Variants in SEC14L5 observed in about 807,000 individuals in gnomAD.
SEC14L5 encodes SEC14 like lipid binding 5.
A neutral mutation model predicts 84.6 loss-of-function variants in SEC14L5; 96 were observed. That is an observed-to-expected ratio of 1.13 (90% confidence interval 0.96 to 1.34). The LOEUF (loss-of-function observed/expected upper bound fraction) is 1.34. SEC14L5 is among the 40% of genes most tolerant of loss of function. SEC14L5 has a pLI of 0.00. For missense variants in SEC14L5, 1,224 were observed against 942.5 expected (o/e 1.30, Z -3.91); for synonymous variants, 546 against 383.4 (o/e 1.42, Z -4.95).
At chr16:4,969,232 C>T (rs1955244365) in intron 2 of SEC14L5, among the ~76,000 whole-genome samples, 1 of 152,218 alleles carries the variant, frequency 6.6e-6, no homozygotes, top group Non-Finnish European at 1.5e-5. Flanking sequence ...CTCGTGCATT[C>T]ATTTCTGTGT....
At chr16:4,962,613 G>A (rs969258882) in intron 2 of SEC14L5, among the ~76,000 whole-genome samples, 2 of 151,438 alleles carry the variant, frequency 1.3e-5, no homozygotes, top group Non-Finnish European at 2.9e-5. Flanking sequence ...GCTTAAACCC[G>A]GGAGGCGGAG....
Position 5,006,039 on chromosome 16 carries a change from A to G in SEC14L5, c.1428A>G (p.Gly476=), listed in dbSNP as rs780773142. ...DREVIPDFLG[G]ESVCNVPEGG... ...AAGTGATCCCTGACTTCCTTGGGGGAGAGAGTGTGGTGAGGCTTCCATGTC... is the reference window on the plus strand; with the variant it reads ...AAGTGATCCCTGACTTCCTTGGGGGGGAGAGTGTGGTGAGGCTTCCATGTC... Residue 476 remains glycine (G), a synonymous_variant, in exon 12 of 16, where the codon GGA becomes GGG. Transcript: ENST00000251170. The G allele has an allele frequency of 1.9e-5, 30 of 1,613,016 alleles. No individual in the cohort carries two copies. The highest frequency in any genetic ancestry group is 2.5e-5 in the Non-Finnish European group (30 of 1,179,594).
At chr16:4,981,761 G>T (rs1314955561) in intron 2 of SEC14L5, among the ~76,000 whole-genome samples, 4 of 152,202 alleles carry the variant, frequency 2.6e-5, no homozygotes, top group Non-Finnish European at 4.4e-5. Context: ...GCAAGTACAT[G>T]AGACATATAC....
Position 5,017,224 on chromosome 16 carries a change from G to A in SEC14L5, c.*2254G>A, listed in dbSNP as rs1028658082. The A allele has an allele frequency of 6.6e-6, 1 of 152,230 alleles. No individual in the cohort carries two copies. The highest frequency in any genetic ancestry group is 1.5e-5 in the Non-Finnish European group (1 of 68,066). The allele number at this position is 152,230 out of a possible 1,614,324, so 9.4% of individuals were successfully genotyped here. A position where few individuals can be genotyped will look rare whatever the true frequency, so the allele number is the denominator to read the frequency against. On this transcript the variant is annotated 3_prime_UTR_variant, in exon 16 of 16. Coordinates refer to ENST00000251170, the MANE Select transcript of SEC14L5 (RefSeq NM_014692.2). Reference sequence around the variant, plus strand: ...TGCTATCAGCTGTCCACCCTTAACAGTGGGGGTGAGGAACCTCAGGCCCTT... The same window carrying A: ...TGCTATCAGCTGTCCACCCTTAACAATGGGGGTGAGGAACCTCAGGCCCTT...
chr16:5,008,327 C>T (rs1410848857), intron 13 of SEC14L5, 94 bp from the exon 14 acceptor site: 21 of 876,138 alleles, frequency 2.4e-5, no homozygotes, highest in Non-Finnish European at 3.3e-5. Context: ...AAGGAGACCC[C>T]AGGGGGCACC....
chr16:5,012,463 G>C (rs578147607), intron 15 of SEC14L5, among the ~76,000 whole-genome samples: 4 of 152,356 alleles, frequency 2.6e-5, no homozygotes, highest in South Asian at 2.1e-4. Context: ...TCAGGGGGCA[G>C]GTGGTGGCTC....
intron 11 of SEC14L5, among the ~76,000 whole-genome samples, chr16:5,005,577 C>T (rs1004280399): frequency 2.6e-5 from 4 of 151,702 alleles, no homozygotes; most frequent in Admixed American, 6.6e-5. Context: ...AAAATACATC[C>T]ATGGTCAGGC....
rs763262413 is a variant in SEC14L5, at chr16:5,003,538, C to A, written c.1267C>A (p.Arg423=). The A allele has an allele frequency of 5.0e-6, 8 of 1,606,100 alleles. No homozygotes were observed. Among genetic ancestry groups the A allele is most frequent in the East Asian group, 2.2e-5 (1 of 44,582 alleles). The part of the protein sequence containing the change: ...PETLGRLLIV[R]APRVFPVLWT... The stretch of plus-strand genomic sequence containing the variant: ...GACCCTGGGTCGGCTGCTCATCGTG[C>A]GAGCCCCCCGAGTCTTCCCCGTGCT... The change falls in exon 11 of 16, where the codon CGA becomes AGA. Residue 423 remains arginine, a synonymous_variant. Transcript: ENST00000251170.
intron 11 of SEC14L5, among the ~76,000 whole-genome samples, chr16:5,004,584 G>T (rs887557186): frequency 5.3e-5 from 8 of 152,046 alleles, no homozygotes; most frequent in African/African-American, 7.2e-5. Context: ...TGGGACAGGG[G>T]TGGGGGCAGG....
At chr16:4,966,267 C>CATTT (rs1458960687) in intron 2 of SEC14L5, among the ~76,000 whole-genome samples, 2 of 78,770 alleles carry the variant, frequency 2.5e-5, no homozygotes, top group Non-Finnish European at 4.9e-5. Context: ...CGCCCGGCCT[C>CATTT]TTTTTTTTTT....
intron 10 of SEC14L5, among the ~76,000 whole-genome samples, chr16:5,001,697 G>A (rs1955680054): frequency 6.6e-6 from 1 of 152,228 alleles, no homozygotes; most frequent in African/African-American, 2.4e-5. Flanking sequence ...ACTGTTTCCC[G>A]GAGCCAGTAC....
chr16:4,990,707 A>C, intron 4 of SEC14L5, 60 bp from the exon 5 acceptor site: 1 of 1,526,458 alleles, frequency 6.6e-7, no homozygotes, highest in Non-Finnish European at 8.8e-7. Context: ...GGAGAGCCCT[A>C]GGGGAGGGCA....
At chr16:4,979,912 AG>A (rs757386738) in intron 2 of SEC14L5, among the ~76,000 whole-genome samples, 1 of 152,062 alleles carries the variant, frequency 6.6e-6, no homozygotes. Context: ...TCACTTCTCC[AG>A]GTCCCCTGCT....
chr16:5,009,567 T>C (rs1250728168), intron 14 of SEC14L5, among the ~76,000 whole-genome samples: 1 of 152,116 alleles, frequency 6.6e-6, no homozygotes, highest in East Asian at 1.9e-4. Flanking sequence ...CAAGCGATCC[T>C]CCTGCTTCAG....
intron 2 of SEC14L5, among the ~76,000 whole-genome samples, chr16:4,969,677 A>T (rs1195176559): frequency 6.6e-6 from 1 of 152,020 alleles, no homozygotes; most frequent in African/African-American, 2.4e-5. Context: ...AGCTACTGTG[A>T]CCGGCCTGAT....
chr16:4,985,476 C>T (rs765514547), intron 2 of SEC14L5, among the ~76,000 whole-genome samples: 73 of 152,160 alleles, frequency 4.8e-4, no homozygotes, highest in Non-Finnish European at 4.1e-4. Flanking sequence ...GATCCACCCG[C>T]CTCAGCCCCC....
In SEC14L5 at chr16:5,006,018, G is replaced by C. The variant is rs761654621; in HGVS notation, c.1407G>C (p.Val469=). The C allele has an allele frequency of 2.0e-5, 33 of 1,613,922 alleles. No individual in the cohort carries two copies. The Admixed American group carries it at 5.5e-4, about 27-fold the overall frequency. The change falls in exon 12 of 16, where the codon GTG becomes GTC. Residue 469 remains valine (V), a synonymous_variant. Coordinates refer to ENST00000251170, the MANE Select transcript of SEC14L5 (RefSeq NM_014692.2). ...TTGTGGACTATCTGGATAGAGAAGT[G>C]ATCCCTGACTTCCTTGGGGGAGAGA... ...GGLVDYLDRE[V]IPDFLGGESV...
intron 2 of SEC14L5, among the ~76,000 whole-genome samples, chr16:4,973,408 G>A (rs369368152): frequency 2.3e-4 from 13 of 56,082 alleles, no homozygotes; most frequent in African/African-American, 6.8e-4. Flanking sequence ...CAGGGCTTCC[G>A]GAACAGTGTC....
chr16:4,966,130 T>G (rs1955197436), intron 2 of SEC14L5, among the ~76,000 whole-genome samples: 1 of 152,304 alleles, frequency 6.6e-6, no homozygotes, highest in South Asian at 2.1e-4. Flanking sequence ...CATGCCTGGC[T>G]AATTTTTTCT....
Sources: allele counts gnomAD v4.1 joint callset (sites outside exome capture counted in the v4.1 genomes callset), GRCh38; gene constraint gnomAD v4.1.1; transcripts MANE v1.5; gene names NCBI Gene and HGNC (gene_info 2026-07-23, HGNC 2026-07-21).